The following PLXDC2 variants were observed in gnomAD, a reference collection of about 807,000 sequenced individuals.
The protein encoded by PLXDC2 is plexin domain-containing protein 2.
Under a neutral mutation model 68.9 loss-of-function variants are expected in PLXDC2, and 40 were observed. The ratio of observed to expected loss-of-function variants is 0.58; its 90% confidence interval spans 0.45 to 0.76. The LOEUF (loss-of-function observed/expected upper bound fraction) is 0.76, where lower values mean the gene tolerates loss of function less well. Ranked by LOEUF, PLXDC2 falls within the 30% of genes least tolerant of loss-of-function variation. The pLI, the probability that PLXDC2 is intolerant of heterozygous loss-of-function variation, is 0.00. For synonymous variants in PLXDC2, 243 were observed against 234.2 expected, an observed-to-expected ratio of 1.04 and a Z score of -0.34; for missense variants, 644 against 661.9, an observed-to-expected ratio of 0.97 and a Z score of 0.30.
At chr10:19,828,946 C>A (rs1836628005) in intron 1 of PLXDC2, among the ~76,000 whole-genome samples, 1 of 152,020 alleles carries the variant, frequency 6.6e-6, no homozygotes, top group Non-Finnish European at 1.5e-5. Flanking sequence ...CCAGAAAGAT[C>A]TTTCTAAAAT....
chr10:20,273,817 G>A (rs1217042429), intron 13 of PLXDC2, among the ~76,000 whole-genome samples: 5 of 152,274 alleles, frequency 3.3e-5, no homozygotes, highest in African/African-American at 1.2e-4. Context: ...AGAAGTTCGA[G>A]ACCAGTCTGG....
chr10:19,858,279 A>C (rs1292834544), intron 1 of PLXDC2, among the ~76,000 whole-genome samples: 2 of 152,198 alleles, frequency 1.3e-5, no homozygotes, highest in African/African-American at 2.4e-5. Context: ...AGGAACCTGC[A>C]CCATGCAGCT....
At chr10:20,007,967 A>G (rs1276423428) in intron 2 of PLXDC2, among the ~76,000 whole-genome samples, 1 of 152,244 alleles carries the variant, frequency 6.6e-6, no homozygotes, top group Admixed American at 6.5e-5. Context: ...AGGAAAGTAC[A>G]GTCAAGAATG....
intron 13 of PLXDC2, among the ~76,000 whole-genome samples, chr10:20,263,659 A>G (rs1835836753): frequency 6.6e-6 from 1 of 152,210 alleles, no homozygotes; most frequent in African/African-American, 2.4e-5. Context: ...AAGTGGGCAA[A>G]GTGGATGAAC....
At chr10:19,874,641 A>G (rs1837600819) in intron 1 of PLXDC2, among the ~76,000 whole-genome samples, 1 of 152,234 alleles carries the variant, frequency 6.6e-6, no homozygotes, top group Admixed American at 6.5e-5. Flanking sequence ...AATGCGTTGG[A>G]TGCAGACAAG....
chr10:20,179,549 A>T (rs1276188696), intron 9 of PLXDC2, among the ~76,000 whole-genome samples: 3 of 152,140 alleles, frequency 2.0e-5, no homozygotes, highest in Non-Finnish European at 2.9e-5. Context: ...ACCAGAAGAC[A>T]ATTAGAAGAA....
chr10:19,859,716 C>T (rs1837284426), intron 1 of PLXDC2, among the ~76,000 whole-genome samples: 1 of 152,014 alleles, frequency 6.6e-6, no homozygotes, highest in Non-Finnish European at 1.5e-5. Flanking sequence ...CAGAGTCCTA[C>T]TTTTATTTTT....
At chr10:20,198,419 T>G (rs115754359) in intron 9 of PLXDC2, among the ~76,000 whole-genome samples, 1 of 152,192 alleles carries the variant, frequency 6.6e-6, no homozygotes, top group Non-Finnish European at 1.5e-5. Context: ...ATAAATTTTG[T>G]ATATACTAAT....
chr10:20,213,017 A>G (rs1001377837), intron 10 of PLXDC2, among the ~76,000 whole-genome samples: 5 of 152,098 alleles, frequency 3.3e-5, no homozygotes, highest in African/African-American at 1.2e-4. Context: ...CATTTTCTCT[A>G]TGATTTTATT....
chr10:19,882,286 A>T (rs1837741831), intron 1 of PLXDC2, among the ~76,000 whole-genome samples: 1 of 152,212 alleles, frequency 6.6e-6, no homozygotes, highest in Non-Finnish European at 1.5e-5. Flanking sequence ...TCAATGCATT[A>T]TTATCCATTA....
intron 4 of PLXDC2, among the ~76,000 whole-genome samples, chr10:20,113,338 A>C (rs912304097): frequency 6.6e-6 from 1 of 152,180 alleles, no homozygotes; most frequent in African/African-American, 2.4e-5. Flanking sequence ...TTCAAACCCA[A>C]ATTTAGCTTT....
Position 19,916,111 on chromosome 10 carries a change from T to C in PLXDC2, c.113-85664T>C, listed in dbSNP as rs976925576. Among the ~76,000 whole-genome samples, 3 of 149,672 alleles carry C rather than the reference T, an allele frequency of 2.0e-5. No homozygotes were observed. In the East Asian group the frequency reaches 6.0e-4, roughly 30 times the overall value. Reference sequence around the variant, plus strand: ...AGATAAAATATTTACGGGGAAATTATGTGGAGGGAGTTGTGTTTTGTTTTG... The same window carrying C: ...AGATAAAATATTTACGGGGAAATTACGTGGAGGGAGTTGTGTTTTGTTTTG... On this transcript the variant is annotated intron_variant, in intron 1 of 13. Transcript: ENST00000377252.
intron 9 of PLXDC2, among the ~76,000 whole-genome samples, chr10:20,193,906 A>G (rs986943821): frequency 2.6e-4 from 39 of 151,646 alleles, no homozygotes; most frequent in Admixed American, 7.9e-4. Flanking sequence ...AATCTGATGT[A>G]GAAAAAGCAA....
intron 2 of PLXDC2, among the ~76,000 whole-genome samples, chr10:20,019,414 T>C (rs1564658763): frequency 6.6e-6 from 1 of 152,166 alleles, no homozygotes; most frequent in Non-Finnish European, 1.5e-5. Flanking sequence ...CACCCCGACA[T>C]TGCACCTTTT....
Position 20,036,982 on chromosome 10 carries a change from C to G in PLXDC2, c.325-9887C>G, listed in dbSNP as rs182054941. On this transcript the variant is annotated intron_variant, in intron 2 of 13. Transcript: ENST00000377252. ...ATGCTTTTATCTCTTTTAGTGAGGA[C>G]CGCTTAAATCAGGCATAGGGTCTTC... Among the ~76,000 whole-genome samples, 3 of 152,312 alleles carry G rather than the reference C, an allele frequency of 2.0e-5. No homozygotes were observed. In the East Asian group the frequency reaches 5.8e-4, roughly 29 times the overall value.
At chr10:19,864,041 G>A (rs1278514243) in intron 1 of PLXDC2, among the ~76,000 whole-genome samples, 2 of 152,080 alleles carry the variant, frequency 1.3e-5, no homozygotes, top group East Asian at 1.9e-4. Context: ...TTGAGACAGG[G>A]TCTCACTCTG....
chr10:20,197,477 C>T (rs1052233783), intron 9 of PLXDC2, among the ~76,000 whole-genome samples: 1 of 152,030 alleles, frequency 6.6e-6, no homozygotes, highest in African/African-American at 2.4e-5. Context: ...CCTGCCTCAG[C>T]CTCCTGAGTA....
chr10:20,125,135 T>C (rs1833755069), intron 4 of PLXDC2, among the ~76,000 whole-genome samples: 1 of 151,684 alleles, frequency 6.6e-6, no homozygotes, highest in Admixed American at 6.6e-5. Flanking sequence ...CCCCCAGACA[T>C]TGTGACAATC....
chr10:19,968,308 T>C (rs573549622), intron 1 of PLXDC2, among the ~76,000 whole-genome samples: 7 of 152,228 alleles, frequency 4.6e-5, no homozygotes, highest in South Asian at 4.1e-4. Context: ...ACTGATCTCC[T>C]TCATTGCTTT....
Sources: allele counts gnomAD v4.1 joint callset (sites outside exome capture counted in the v4.1 genomes callset), GRCh38; gene constraint gnomAD v4.1.1; transcripts MANE v1.5; gene names NCBI Gene and HGNC (gene_info 2026-07-23, HGNC 2026-07-21).